Variants in PARN observed in about 807,000 individuals in gnomAD.
PARN encodes poly(A)-specific ribonuclease.
In PARN, 71 loss-of-function variants were observed where a neutral mutation model predicts 102.8. The ratio of observed to expected loss-of-function variants is 0.69; its 90% CI spans 0.57 to 0.84. PARN has a LOEUF of 0.84. Among genes scored for constraint, PARN ranks in the 40% least tolerant of loss-of-function variants. PARN has a pLI of 0.00. For missense variants in PARN, 782 were observed against 760.9 expected (o/e 1.03, Z -0.33); for synonymous variants, 261 against 252.9 (o/e 1.03, Z -0.30).
chr16:14,489,526 T>C (rs934825741), intron 21 of PARN, among the ~76,000 whole-genome samples: 2 of 152,138 alleles, frequency 1.3e-5, no homozygotes, highest in Non-Finnish European at 2.9e-5. Flanking sequence ...ACAATCTGCT[T>C]AAGTGAGAAG....
intron 21 of PARN, among the ~76,000 whole-genome samples, chr16:14,549,392 G>A (rs1268695845): frequency 2.6e-5 from 4 of 152,052 alleles, no homozygotes; most frequent in Non-Finnish European, 5.9e-5. Flanking sequence ...GAGGACTCAG[G>A]GCCAAACAAG....
At position 14,582,260 on chromosome 16, in the gene PARN, T is replaced by C. The variant is rs1677718735; in HGVS notation, c.1113A>G (p.Thr371=). The stretch of plus-strand genomic sequence containing the variant: ...CTGCCTCGTGGAGTTGTTCAGAGGC[T>C]GTGTCATAACTTGGAAAACCTTCGG... ...ESAEGFPSYD[T]ASEQLHEAGY... The change falls in exon 17 of 24, where the codon ACA becomes ACG. Residue 371 remains threonine (T), a synonymous_variant. Transcript: ENST00000437198. 1 of 1,613,592 alleles carries C rather than the reference T, an allele frequency of 6.2e-7. No individual in the cohort carries two copies.
In PARN at chr16:14,609,367, AC is replaced by A. The variant is rs527366876; in HGVS notation, c.555-245del. ...GATCACTTGAGCCCAGGAGTTCGCG[AC>A]CAGCCTGGGCAATATACTGAGAGCC... On this transcript the variant is annotated intron_variant, in intron 7 of 23. Transcript: ENST00000437198. Among the ~76,000 whole-genome samples the A allele has an allele frequency of 1.0e-3, 156 of 152,236 alleles. 1 individual carries two copies. The highest frequency in any genetic ancestry group is 3.4e-3 in the African/African-American group (143 of 41,544).
intron 21 of PARN, 55 bp from the exon 22 acceptor site, chr16:14,482,882 A>G: frequency 2.8e-6 from 4 of 1,441,130 alleles, no homozygotes; most frequent in Non-Finnish European, 2.8e-6. Flanking sequence ...CCTAGCCCCA[A>G]AGATGACACT....
chr16:14,613,898 T>G (rs1345665190), intron 6 of PARN, among the ~76,000 whole-genome samples: 1 of 152,104 alleles, frequency 6.6e-6, no homozygotes, highest in Admixed American at 6.5e-5. Context: ...AACAGATTGC[T>G]GAAATAGGTA....
At chr16:14,596,394 TA>T (rs1001383423) in intron 12 of PARN, among the ~76,000 whole-genome samples, 29 of 151,422 alleles carry the variant, frequency 1.9e-4, no homozygotes, top group Non-Finnish European at 3.8e-4. Flanking sequence ...TACTAATAAT[TA>T]AAAAAAATCC....
chr16:14,523,450 C>T (rs1418921414), intron 21 of PARN, among the ~76,000 whole-genome samples: 1 of 152,118 alleles, frequency 6.6e-6, no homozygotes, highest in Non-Finnish European at 1.5e-5. Flanking sequence ...CAACAGATAG[C>T]ACACACTGTC....
intron 21 of PARN, among the ~76,000 whole-genome samples, chr16:14,504,676 G>A (rs1284605437): frequency 5.3e-5 from 8 of 152,132 alleles, no homozygotes; most frequent in Admixed American, 5.2e-4. Context: ...TAAATTCTCT[G>A]GCTAGCTATT....
intron 21 of PARN, among the ~76,000 whole-genome samples, chr16:14,489,261 TTGAG>T (rs796152006): frequency 6.6e-6 from 1 of 152,156 alleles, no homozygotes; most frequent in African/African-American, 2.4e-5. Flanking sequence ...AATTCTTTGG[TTGAG>T]TGGTGGTTTC....
intron 18 of PARN, among the ~76,000 whole-genome samples, chr16:14,574,796 A>G (rs992174080): frequency 2.0e-5 from 3 of 152,228 alleles, no homozygotes; most frequent in African/African-American, 4.8e-5. Flanking sequence ...GGAGCCAAAG[A>G]CAATGGGGAA....
intron 3 of PARN, 101 bp from the exon 4 acceptor site, chr16:14,627,437 T>A: frequency 1.4e-6 from 1 of 739,340 alleles, no homozygotes; most frequent in Non-Finnish European, 2.4e-6. Flanking sequence ...TCAATGAGAC[T>A]TCAGCAGAAT....
chr16:14,542,449 G>C (rs1966847463), intron 21 of PARN, among the ~76,000 whole-genome samples: 1 of 151,482 alleles, frequency 6.6e-6, no homozygotes, highest in Admixed American at 6.6e-5. Context: ...CTCCCTAGTA[G>C]CTGGGAATAA....
intron 22 of PARN, among the ~76,000 whole-genome samples, chr16:14,468,087 T>A (rs1459665962): frequency 6.6e-6 from 1 of 152,182 alleles, no homozygotes; most frequent in Non-Finnish European, 1.5e-5. Flanking sequence ...ACAGAAGGCA[T>A]CTCACAAGGC....
chr16:14,588,366 CAA>C (rs762454408), intron 13 of PARN, among the ~76,000 whole-genome samples: 15 of 152,120 alleles, frequency 9.9e-5, no homozygotes, highest in African/African-American at 3.6e-4. Context: ...GCCTAGAAAA[CAA>C]AGAGTGTGGG....
chr16:14,615,850 G>A (rs923430518), intron 6 of PARN, among the ~76,000 whole-genome samples: 5 of 149,582 alleles, frequency 3.3e-5, no homozygotes, highest in Admixed American at 6.7e-5. Flanking sequence ...GCGGTGAGTC[G>A]AGATCATACC....
At chr16:14,446,845 A>T (rs373732024) in intron 23 of PARN, 43 bp downstream of exon 23, 227 of 1,439,594 alleles carry the variant, frequency 1.6e-4, no homozygotes, top group Non-Finnish European at 5.8e-5. Flanking sequence ...AGAGCATTTA[A>T]ATAGTCCACG....
intron 22 of PARN, among the ~76,000 whole-genome samples, chr16:14,466,962 AAC>A (rs1421715971): frequency 1.3e-5 from 2 of 151,120 alleles, no homozygotes; most frequent in African/African-American, 4.8e-5. Flanking sequence ...CTCCTTCACA[AAC>A]AGTGACCAAA....
At chr16:14,476,627 C>T (rs894952305) in intron 22 of PARN, among the ~76,000 whole-genome samples, 2 of 152,122 alleles carry the variant, frequency 1.3e-5, no homozygotes, top group Admixed American at 1.3e-4. Context: ...GCAAAGAGTT[C>T]AAGACCAGCC....
At chr16:14,619,005 G>A (rs1252993648) in intron 5 of PARN, among the ~76,000 whole-genome samples, 1 of 150,916 alleles carries the variant, frequency 6.6e-6, no homozygotes, top group African/African-American at 2.4e-5. Context: ...AGACCAGCTT[G>A]GGCAAAACAG....
Sources: allele counts gnomAD v4.1 joint callset (sites outside exome capture counted in the v4.1 genomes callset), GRCh38; gene constraint gnomAD v4.1.1; transcripts MANE v1.5; gene names NCBI Gene and HGNC (gene_info 2026-07-23, HGNC 2026-07-21).